DOCK2: variants seen among roughly 807,000 people sequenced by gnomAD.
DOCK2 encodes dedicator of cytokinesis protein 2.
A neutral mutation model predicts 248.9 loss-of-function variants in DOCK2; 87 were observed. That is an observed-to-expected ratio of 0.35 (90% CI 0.29 to 0.42). DOCK2 has a LOEUF of 0.42. DOCK2 is among the 10% of genes least tolerant of loss of function. The pLI is 1.00. For synonymous variants in DOCK2, 805 were observed against 821.6 expected (o/e 0.98, Z 0.35); for missense variants, 1,747 against 2,300.2 (o/e 0.76, Z 4.92).
intron 27 of DOCK2, among the ~76,000 whole-genome samples, chr5:169,902,686 A>AT (rs1337441717): frequency 6.6e-6 from 1 of 152,042 alleles, no homozygotes; most frequent in African/African-American, 2.4e-5. Flanking sequence ...TCCTGACTGT[A>AT]TTTTTTCCTC....
chr5:170,036,258 A>T (rs760317978), intron 35 of DOCK2, among the ~76,000 whole-genome samples: 2 of 152,162 alleles, frequency 1.3e-5, no homozygotes, highest in Non-Finnish European at 2.9e-5. Context: ...CCCTCCTGAT[A>T]TGTGATGGCT....
At chr5:169,707,869 C>T (rs548642574) in intron 14 of DOCK2, among the ~76,000 whole-genome samples, 1 of 152,352 alleles carries the variant, frequency 6.6e-6, no homozygotes, top group East Asian at 1.9e-4. Flanking sequence ...TGCAGTAACT[C>T]CAAGGCTGGT....
At chr5:169,854,326 C>T (rs918594669) in intron 27 of DOCK2, among the ~76,000 whole-genome samples, 1 of 151,976 alleles carries the variant, frequency 6.6e-6, no homozygotes, top group Non-Finnish European at 1.5e-5. Flanking sequence ...AGTGGGATTA[C>T]AGGTACCCAC....
chr5:169,840,990 T>C (rs1769927720), intron 27 of DOCK2, 138 bp downstream of exon 27: 4 of 949,484 alleles, frequency 4.2e-6, no homozygotes, highest in African/African-American at 1.6e-5. Context: ...AGATTTTTCC[T>C]GTCTGAGTTG....
At chr5:169,967,533 G>T (rs1777347605) in intron 27 of DOCK2, among the ~76,000 whole-genome samples, 1 of 152,142 alleles carries the variant, frequency 6.6e-6, no homozygotes, top group Admixed American at 6.5e-5. Flanking sequence ...GGCTGAAAAG[G>T]GAAGAGGGAC....
chr5:170,007,057 C>A (rs1369782549), intron 30 of DOCK2, among the ~76,000 whole-genome samples: 1 of 152,186 alleles, frequency 6.6e-6, no homozygotes, highest in Non-Finnish European at 1.5e-5. Flanking sequence ...GCTTGTTTTG[C>A]TTCTTTCAAA....
chr5:169,722,901 G>T (rs923128591), intron 22 of DOCK2, among the ~76,000 whole-genome samples: 5 of 152,134 alleles, frequency 3.3e-5, no homozygotes, highest in Admixed American at 3.3e-4. Flanking sequence ...CTTTTACCAG[G>T]TGTCTGTGCT....
intron 27 of DOCK2, among the ~76,000 whole-genome samples, chr5:169,921,938 T>C (rs1348981435): frequency 2.0e-5 from 3 of 152,198 alleles, no homozygotes; most frequent in African/African-American, 7.2e-5. Flanking sequence ...TTTAAAAAAA[T>C]GCTCCAGAGA....
intron 25 of DOCK2, among the ~76,000 whole-genome samples, chr5:169,801,146 GTTTTTTT>G (rs60574755): frequency 1.1e-3 from 80 of 76,024 alleles, no homozygotes; most frequent in African/African-American, 2.0e-3. Flanking sequence ...ATAGTTTTGG[GTTTTTTT>G]TTTTTTTTTT....
chr5:169,780,221 T>C (rs1319334918), intron 25 of DOCK2, among the ~76,000 whole-genome samples: 1 of 152,060 alleles, frequency 6.6e-6, no homozygotes, highest in Non-Finnish European at 1.5e-5. Flanking sequence ...CTGTAAACTC[T>C]GCTCTATGAC....
intron 1 of DOCK2, 139 bp downstream of exon 1, chr5:169,637,508 G>C: frequency 9.7e-7 from 1 of 1,034,678 alleles, no homozygotes; most frequent in Non-Finnish European, 1.3e-6. Flanking sequence ...CTGCGGCGGG[G>C]CCTCGGGGCG....
rs770709591 is a variant in DOCK2, at chr5:169,985,928, C to T, written c.2993+6C>T. ...ATGAGCATGGTTCAAAACAGGTGAGCTGCTACCTGCTTCCGCAAAGCTACC... is the reference window on the plus strand; with the variant it reads ...ATGAGCATGGTTCAAAACAGGTGAGTTGCTACCTGCTTCCGCAAAGCTACC... On this transcript the variant is annotated splice_donor_region_variant and intron_variant, in intron 29 of 51. Coordinates refer to ENST00000520908, the MANE Select transcript of DOCK2 (RefSeq NM_004946.3). 3.7e-6 allele frequency: 6 copies of T among 1,600,684 alleles called. No individual in the cohort carries two copies. In the African/African-American group the frequency reaches 5.4e-5, roughly 14 times the overall value.
At chr5:169,667,813 G>C (rs894042500) in intron 2 of DOCK2, among the ~76,000 whole-genome samples, 2 of 152,200 alleles carry the variant, frequency 1.3e-5, no homozygotes, top group Non-Finnish European at 2.9e-5. Context: ...AGTATAAGCA[G>C]TATTGTTAAT....
intron 22 of DOCK2, among the ~76,000 whole-genome samples, chr5:169,721,423 G>T (rs984116390): frequency 6.6e-6 from 1 of 152,188 alleles, no homozygotes; most frequent in Non-Finnish European, 1.5e-5. Context: ...CTTTAGCAAT[G>T]ATCTGCTCTC....
At chr5:170,025,568 C>T (rs528150336) in intron 33 of DOCK2, among the ~76,000 whole-genome samples, 1 of 152,310 alleles carries the variant, frequency 6.6e-6, no homozygotes, top group South Asian at 2.1e-4. Context: ...TGTATAGCCC[C>T]TTAGCTGTAT....
intron 29 of DOCK2, among the ~76,000 whole-genome samples, chr5:169,987,087 A>G (rs1364346969): frequency 6.6e-6 from 1 of 152,208 alleles, no homozygotes; most frequent in Non-Finnish European, 1.5e-5. Flanking sequence ...ATAGCAATGT[A>G]GGGAATCTGT....
chr5:169,911,208 T>C (rs1338123349), intron 27 of DOCK2, among the ~76,000 whole-genome samples: 1 of 152,238 alleles, frequency 6.6e-6, no homozygotes, highest in Non-Finnish European at 1.5e-5. Flanking sequence ...AGGTATGTGC[T>C]GTGCTTTGAA....
intron 25 of DOCK2, among the ~76,000 whole-genome samples, chr5:169,776,036 A>T (rs148638733): frequency 1.3e-5 from 2 of 152,016 alleles, no homozygotes; most frequent in African/African-American, 4.8e-5. Flanking sequence ...AGTTGATTGT[A>T]AGACATTTGG....
intron 27 of DOCK2, among the ~76,000 whole-genome samples, chr5:169,913,118 G>C (rs1028473916): frequency 1.3e-5 from 2 of 152,124 alleles, no homozygotes; most frequent in Non-Finnish European, 2.9e-5. Context: ...ATTTGAAACA[G>C]GTCATAACTT....
Sources: gnomAD v4.1 joint callset for allele counts (sites outside exome capture counted in the v4.1 genomes callset) on GRCh38, gnomAD v4.1.1 for gene constraint, MANE v1.5 for transcripts, NCBI Gene and HGNC (gene_info 2026-07-23, HGNC 2026-07-21) for gene names.